DNAJC6: variants seen among roughly 807,000 people sequenced by gnomAD.
The protein encoded by DNAJC6 is DnaJ heat shock protein family (Hsp40) member C6, also known as auxilin.
DNAJC6 carries 34 observed loss-of-function variants against 110.0 expected under a neutral mutation model. The observed-to-expected ratio is 0.31, with a 90% CI of 0.24 to 0.41. The LOEUF (loss-of-function observed/expected upper bound fraction) is 0.41, where lower values mean the gene tolerates loss of function less well. Among genes scored for constraint, DNAJC6 ranks in the 10% least tolerant of loss-of-function variants. The pLI is 1.00. For synonymous variants in DNAJC6, 406 were observed against 437.2 expected (o/e 0.93, Z 0.89); for missense variants, 1,031 against 1,207.8 (o/e 0.85, Z 2.17).
chr1:65,381,955 C>G (rs1022814906), intron 5 of DNAJC6, among the ~76,000 whole-genome samples: 1 of 152,132 alleles, frequency 6.6e-6, no homozygotes, highest in Admixed American at 6.5e-5. Context: ...TGACACAATA[C>G]CGAAAGCACT....
chr1:65,336,191 A>G (rs543664942), intron 1 of DNAJC6, among the ~76,000 whole-genome samples: 3 of 152,268 alleles, frequency 2.0e-5, no homozygotes, highest in African/African-American at 7.2e-5. Flanking sequence ...GGAAGCAAAC[A>G]TATCCTTCTT....
At chr1:65,411,210 A>C (rs1390528144) in intron 17 of DNAJC6, 40 bp from the exon 18 acceptor site, 3 of 1,589,588 alleles carry the variant, frequency 1.9e-6, no homozygotes, top group South Asian at 1.1e-5. Flanking sequence ...TGAACTAGTA[A>C]GTAAGCATTT....
At chr1:65,377,766 A>G (rs1645780172) in intron 4 of DNAJC6, among the ~76,000 whole-genome samples, 1 of 152,192 alleles carries the variant, frequency 6.6e-6, no homozygotes, top group East Asian at 1.9e-4. Context: ...TTGATTATTT[A>G]TTATCTGATT....
At chr1:65,364,264 A>G (rs1214847624) in intron 1 of DNAJC6, among the ~76,000 whole-genome samples, 1 of 152,110 alleles carries the variant, frequency 6.6e-6, no homozygotes, top group Non-Finnish European at 1.5e-5. Flanking sequence ...AAATATTGAG[A>G]TACTTTACAT....
At chr1:65,390,936 T>C (rs1297508874) in intron 11 of DNAJC6, among the ~76,000 whole-genome samples, 1 of 152,184 alleles carries the variant, frequency 6.6e-6, no homozygotes, top group Non-Finnish European at 1.5e-5. Context: ...CACTCTTTCC[T>C]CTCCACTGTC....
chr1:65,379,714 A>G, intron 5 of DNAJC6, 190 bp downstream of exon 5: 1 of 788,152 alleles, frequency 1.3e-6, no homozygotes, highest in Non-Finnish European at 1.9e-6. Flanking sequence ...CTTGACTACT[A>G]GTGGGAAAGG....
intron 1 of DNAJC6, among the ~76,000 whole-genome samples, chr1:65,322,952 CAAAG>C (rs762920117): frequency 3.3e-5 from 5 of 152,012 alleles, no homozygotes; most frequent in Admixed American, 6.6e-5. Flanking sequence ...CCAGAAAACA[CAAAG>C]AAAAAATAAA....
At chr1:65,388,254 C>T (rs1327524555) in intron 8 of DNAJC6, 82 bp from the exon 9 acceptor site, 15 of 1,188,260 alleles carry the variant, frequency 1.3e-5, no homozygotes, top group Non-Finnish European at 1.9e-5. Context: ...GTTGAAGGTG[C>T]ATGTCTCCCC....
chr1:65,301,936 G>A (rs1644982951), intron 1 of DNAJC6, among the ~76,000 whole-genome samples: 1 of 151,612 alleles, frequency 6.6e-6, no homozygotes, highest in Non-Finnish European at 1.5e-5. Flanking sequence ...TCAGATAAGA[G>A]TCCTGCCTTG....
intron 1 of DNAJC6, among the ~76,000 whole-genome samples, chr1:65,333,998 G>C (rs1645311807): frequency 6.6e-6 from 1 of 152,166 alleles, no homozygotes; most frequent in Non-Finnish European, 1.5e-5. Flanking sequence ...ACTATAAAAA[G>C]TTCTACTGAA....
At chr1:65,398,787 A>G in intron 13 of DNAJC6, 26 bp from the exon 14 acceptor site, 1 of 1,613,570 alleles carries the variant, frequency 6.2e-7, no homozygotes, top group Non-Finnish European at 8.5e-7. Flanking sequence ...TCTTGTTCTC[A>G]TTCTTTTTCT....
At chr1:65,382,284 T>A (rs1645829480) in intron 5 of DNAJC6, among the ~76,000 whole-genome samples, 1 of 152,230 alleles carries the variant, frequency 6.6e-6, no homozygotes, top group African/African-American at 2.4e-5. Flanking sequence ...TTTTTTCTAG[T>A]CAAGATTGAG....
intron 1 of DNAJC6, among the ~76,000 whole-genome samples, chr1:65,342,666 T>C (rs986309556): frequency 2.0e-5 from 3 of 152,178 alleles, no homozygotes; most frequent in Non-Finnish European, 4.4e-5. Context: ...GGCAACATAA[T>C]TGTGAAGATT....
At chr1:65,295,787 G>A (rs1161327864) in intron 1 of DNAJC6, among the ~76,000 whole-genome samples, 2 of 152,154 alleles carry the variant, frequency 1.3e-5, no homozygotes, top group Non-Finnish European at 2.9e-5. Context: ...AAGTTTTACT[G>A]AATTATTTAA....
At chr1:65,284,533 T>A (rs1172911911) in intron 1 of DNAJC6, among the ~76,000 whole-genome samples, 4 of 152,096 alleles carry the variant, frequency 2.6e-5, no homozygotes, top group African/African-American at 9.7e-5. Flanking sequence ...GCGGAGAGTC[T>A]CTGTTTTTAT....
At position 65,309,864 on chromosome 1, in the gene DNAJC6, G is replaced by A; in HGVS notation, c.119G>A (p.Arg40Lys). Reference protein sequence around the residue: ...AGSGGVGGKQRVNAGAAARSP... With the variant: ...AGSGGVGGKQKVNAGAAARSP... ...AGCGGCGGGGTTGGCGGCAAGCAGA[G>A]AGTGAACGCCGGGGCAGCGGCGCGG... The change falls in exon 1 of 19, where the codon AGA (arginine) becomes AAA (lysine). Residue 40 changes from arginine to lysine, a missense_variant. Physicochemically the swap from Arg to Lys is conservative, Grantham distance 26. Coordinates refer to ENST00000371069, the MANE Select transcript of DNAJC6 (RefSeq NM_001256864.2). 6.5e-7 allele frequency: 1 copy of A among 1,548,138 alleles called. No homozygotes were observed. The highest frequency in any genetic ancestry group is 8.7e-7 in the Non-Finnish European group (1 of 1,145,784).
intron 1 of DNAJC6, among the ~76,000 whole-genome samples, chr1:65,298,033 C>A (rs1406255778): frequency 1.1e-5 from 1 of 89,518 alleles, no homozygotes; most frequent in Non-Finnish European, 2.2e-5. Context: ...CGTGCCAAAT[C>A]ATCCTTTAAA....
At chr1:65,341,972 T>C (rs1645393566) in intron 1 of DNAJC6, among the ~76,000 whole-genome samples, 1 of 152,170 alleles carries the variant, frequency 6.6e-6, no homozygotes, top group South Asian at 2.1e-4. Context: ...TTCATTGCTA[T>C]GCAATGAATG....
At chr1:65,406,260 CT>C in intron 16 of DNAJC6, 127 bp downstream of exon 16, 1 of 1,324,094 alleles carries the variant, frequency 7.6e-7, no homozygotes, top group Non-Finnish European at 1.0e-6. Context: ...CTGAGGGAAT[CT>C]TATAGTTGTA....
Sources: gnomAD v4.1 joint callset for allele counts (sites outside exome capture counted in the v4.1 genomes callset) on GRCh38, gnomAD v4.1.1 for gene constraint, MANE v1.5 for transcripts, NCBI Gene and HGNC (gene_info 2026-07-23, HGNC 2026-07-21) for gene names.